Variants in ACOT1 observed in about 807,000 individuals in gnomAD.
The protein encoded by ACOT1 is acyl-coenzyme A thioesterase 1.
In ACOT1, 8 loss-of-function variants were observed where a neutral mutation model predicts 15.7. The observed-to-expected ratio is 0.51, with a 90% CI of 0.30 to 0.92. The LOEUF is 0.92. ACOT1 is among the 40% of genes least tolerant of loss of function. The probability of loss-of-function intolerance (pLI) is 0.06; values close to 1 mark genes in which losing one functional copy is unlikely to be tolerated. For missense variants in ACOT1, 151 were observed against 539.4 expected (o/e 0.28, Z 7.13); for synonymous variants, 67 against 241.2 (o/e 0.28, Z 6.69).
the ACOT1 span, among the ~76,000 whole-genome samples, chr14:73,528,411 A>AAAAAAAAAAAAAAT: frequency 6.7e-6 from 1 of 148,628 alleles, no homozygotes; most frequent in African/African-American, 2.4e-5. Context: ...AAAAAAAAAA[A>AAAAAAAAAAAAAAT]AAACTTAAGG....
chr14:73,496,696 G>C, the ACOT1 span: 9 of 1,369,150 alleles, frequency 6.6e-6, no homozygotes, highest in Non-Finnish European at 9.4e-6. Flanking sequence ...GATAAGAAGG[G>C]CTTCTTAGAT....
chr14:73,518,981 C>A, the ACOT1 span: 1 of 1,575,448 alleles, frequency 6.3e-7, no homozygotes, highest in Non-Finnish European at 8.6e-7. Flanking sequence ...TAGCCACATT[C>A]CCGTTATTAA....
the ACOT1 span, chr14:73,520,901 T>C: frequency 6.2e-7 from 1 of 1,614,084 alleles, no homozygotes; most frequent in Non-Finnish European, 8.5e-7. Flanking sequence ...AGGCAAACTT[T>C]CCAGCTCGGG....
chr14:73,522,101 T>C, the ACOT1 span, among the ~76,000 whole-genome samples: 1 of 152,204 alleles, frequency 6.6e-6, no homozygotes, highest in Non-Finnish European at 1.5e-5. Flanking sequence ...ATGTCAGCAG[T>C]GCAAATTGAG....
At chr14:73,497,480 G>T in the ACOT1 span, among the ~76,000 whole-genome samples, 158 of 152,266 alleles carry the variant, frequency 1.0e-3, no homozygotes, top group Non-Finnish European at 2.0e-3. Context: ...AAAAAAATGG[G>T]CTCACAGAGT....
At chr14:73,518,430 A>G in the ACOT1 span, among the ~76,000 whole-genome samples, 1 of 152,052 alleles carries the variant, frequency 6.6e-6, no homozygotes, top group Non-Finnish European at 1.5e-5. Flanking sequence ...AAAAAAAGGA[A>G]TGGGTGACAA....
At chr14:73,517,527 G>A in the ACOT1 span, 1 of 152,136 alleles carries the variant, frequency 6.6e-6, no homozygotes, top group South Asian at 2.1e-4. Context: ...AATTAGCTGG[G>A]TATAGTGGTG....
chr14:73,498,437 C>CAAAAGGGAAG, the ACOT1 span: 3 of 1,100,864 alleles, frequency 2.7e-6, no homozygotes, highest in Non-Finnish European at 3.8e-6. Flanking sequence ...CAATACCTTC[C>CAAAAGGGAAG]CTTTTGGATG....
chr14:73,492,643 G>A, the ACOT1 span: 14 of 1,613,880 alleles, frequency 8.7e-6, no homozygotes, highest in Non-Finnish European at 1.2e-5. This position sits in a 1 kb window ranked among gnomAD's most constrained non-coding sequence, Gnocchi z 4.9. Context: ...GGGCCCAGTT[G>A]ACAACAGAAA....
At chr14:73,518,247 C>T in the ACOT1 span, among the ~76,000 whole-genome samples, 1 of 151,966 alleles carries the variant, frequency 6.6e-6, no homozygotes, top group Non-Finnish European at 1.5e-5. Flanking sequence ...GCAGGCCAGG[C>T]AACCCTGTCA....
the ACOT1 span, chr14:73,500,867 G>A: frequency 9.9e-6 from 7 of 705,636 alleles, no homozygotes; most frequent in East Asian, 2.7e-5. Context: ...CATGAGATAA[G>A]TTTTACTGGG....
At chr14:73,498,399 C>T in the ACOT1 span, 5 of 1,452,950 alleles carry the variant, frequency 3.4e-6, no homozygotes, top group Non-Finnish European at 3.7e-6. Context: ...TATATTCTAG[C>T]ATCCAGAAAT....
chr14:73,515,317 A>C, the ACOT1 span, among the ~76,000 whole-genome samples: 1 of 152,196 alleles, frequency 6.6e-6, no homozygotes, highest in Non-Finnish European at 1.5e-5. Context: ...TAACACCTTT[A>C]GATTTGCTCT....
the ACOT1 span, among the ~76,000 whole-genome samples, chr14:73,527,937 G>C: frequency 4.2e-5 from 6 of 142,342 alleles, no homozygotes; most frequent in Admixed American, 3.5e-4. Context: ...CTCCAGCCTG[G>C]GTAACAGGGG....
At chr14:73,508,010 T>G in the ACOT1 span, 15 of 875,382 alleles carry the variant, frequency 1.7e-5, no homozygotes, top group African/African-American at 3.3e-5. Context: ...CCTCCCGAAG[T>G]GTTGGGATTA....
At chr14:73,516,917 C>G in the ACOT1 span, among the ~76,000 whole-genome samples, 1 of 152,180 alleles carries the variant, frequency 6.6e-6, no homozygotes, top group Non-Finnish European at 1.5e-5. Flanking sequence ...GAAAAATTAT[C>G]TTCCACGAAA....
the ACOT1 span, chr14:73,508,352 C>G: frequency 6.5e-7 from 1 of 1,546,930 alleles, no homozygotes; most frequent in Non-Finnish European, 8.9e-7. Flanking sequence ...CCCTAGAGAA[C>G]AGCCTTTGGA....
At chr14:73,509,356 TG>T in the ACOT1 span, 1 of 1,614,162 alleles carries the variant, frequency 6.2e-7, no homozygotes. Context: ...AAGGGGATTA[TG>T]TGACTGTATG....
chr14:73,491,171 G>T, the ACOT1 span: 73 of 1,602,222 alleles, frequency 4.6e-5, no homozygotes, highest in Non-Finnish European at 5.9e-5. Flanking sequence ...CCGCATGGCA[G>T]CGCTGAGGAC....
Sources: allele counts gnomAD v4.1 joint callset (sites outside exome capture counted in the v4.1 genomes callset), GRCh38; gene constraint gnomAD v4.1.1; non-coding constraint Gnocchi (gnomAD v3.1); transcripts MANE v1.5; gene names NCBI Gene and HGNC (gene_info 2026-07-23, HGNC 2026-07-21).